METAP1D: variants seen among roughly 807,000 people sequenced by gnomAD.
The protein encoded by METAP1D is methionine aminopeptidase 1D, mitochondrial.
Under a neutral mutation model 40.5 loss-of-function variants are expected in METAP1D, and 31 were observed. The ratio of observed to expected loss-of-function variants is 0.77; its 90% CI spans 0.58 to 1.03. METAP1D has a LOEUF of 1.03. METAP1D is among the 50% of genes least tolerant of loss of function. METAP1D has a pLI of 0.00. For synonymous variants in METAP1D, 151 were observed against 146.4 expected (o/e 1.03, Z -0.22); for missense variants, 411 against 420.7 (o/e 0.98, Z 0.20).
chr2:172,079,979 TA>T (rs1690661140), intron 8 of METAP1D, 148 bp from the exon 9 acceptor site: 1 of 664,614 alleles, frequency 1.5e-6, no homozygotes, highest in East Asian at 2.7e-5. Flanking sequence ...CAACATCAAT[TA>T]TCAACCCTTG....
chr2:172,041,762 A>G (rs1375394574), intron 1 of METAP1D, among the ~76,000 whole-genome samples: 3 of 82,738 alleles, frequency 3.6e-5, no homozygotes, highest in Admixed American at 1.3e-4. Context: ...ATATATATAT[A>G]TATATTTCAT....
Position 172,061,600 on chromosome 2 carries a change from T to C in METAP1D, c.143T>C (p.Ile48Thr). 2 of 1,614,056 alleles carry C rather than the reference T, an allele frequency of 1.2e-6. No homozygotes were observed. The highest frequency in any genetic ancestry group is 1.7e-6 in the Non-Finnish European group (2 of 1,179,970). Reference sequence around the variant, plus strand: ...TTCTTTTTTCGGAGACAAAGAGATATTTCACACAGTATAGTTTTGCCGGCT... The same window carrying C: ...TTCTTTTTTCGGAGACAAAGAGATACTTCACACAGTATAGTTTTGCCGGCT... ...RNFFFRRQRDISHSIVLPAAV... is the reference protein window; with the variant it reads ...RNFFFRRQRDTSHSIVLPAAV... The change falls in exon 2 of 10, where the codon ATT (isoleucine) becomes ACT (threonine). Residue 48 changes from isoleucine (I) to threonine (T), a missense_variant. Transcript: ENST00000315796.
In METAP1D at chr2:172,080,817, A is replaced by AG. The variant is rs1690690182; in HGVS notation, c.*411_*412insG. ...ACAGTTACAGTGATCTTTGTATCTGAACTTTGCACGTCTGCCGAAAAATCC... is the reference window on the plus strand; with the variant it reads ...ACAGTTACAGTGATCTTTGTATCTGAGACTTTGCACGTCTGCCGAAAAATCC... On this transcript the variant is annotated 3_prime_UTR_variant, in exon 10 of 10. Transcript: ENST00000315796. 1 of 221,750 alleles carries AG rather than the reference A, an allele frequency of 4.5e-6. No homozygotes were observed. Among genetic ancestry groups the AG allele is most frequent in the Non-Finnish European group, 9.0e-6 (1 of 110,934 alleles). The allele number at this position is 221,750 out of a possible 1,614,324, so 13.7% of individuals were successfully genotyped here.
intron 1 of METAP1D, among the ~76,000 whole-genome samples, chr2:172,000,939 G>A (rs1268610399): frequency 6.6e-6 from 1 of 152,068 alleles, no homozygotes; most frequent in Non-Finnish European, 1.5e-5. Context: ...AGGTCAAGAG[G>A]CTGCAGTGAG....
chr2:172,034,684 T>A (rs912481913), intron 1 of METAP1D, among the ~76,000 whole-genome samples: 3 of 152,308 alleles, frequency 2.0e-5, no homozygotes, highest in Non-Finnish European at 4.4e-5. Context: ...ACTAAAAAGC[T>A]CTGGAATAAG....
intron 1 of METAP1D, among the ~76,000 whole-genome samples, chr2:172,007,203 T>TTTTTTCTTTTTTTTTTTTTC (rs1688607632): frequency 6.6e-6 from 1 of 150,480 alleles, no homozygotes. Context: ...AGGGCCTTGT[T>TTTTTTCTTTTTTTTTTTTTC]CTGTCACCCA....
intron 6 of METAP1D, among the ~76,000 whole-genome samples, chr2:172,076,499 G>A (rs946087448): frequency 2.6e-5 from 4 of 152,124 alleles, no homozygotes. Flanking sequence ...AAAGTACAAC[G>A]TAAGAGATAA....
chr2:172,019,140 C>T (rs940794028), intron 1 of METAP1D, among the ~76,000 whole-genome samples: 19 of 152,032 alleles, frequency 1.2e-4, no homozygotes, highest in African/African-American at 4.4e-4. Context: ...TCACTTGAGA[C>T]GAGGAGTTCA....
chr2:172,065,710 G>A lies in METAP1D; in HGVS notation c.455G>A (p.Cys152Tyr), dbSNP rs1263530075. The part of the protein sequence containing the change: ...LGYGGFPKSV[C>Y]TSVNNVLCHG... ...TATGGAGGTTTTCCAAAATCTGTTT[G>A]TACCTCTGTAAACAACGTGCTCTGT... The change falls in exon 4 of 10, where the codon TGT (cysteine) becomes TAT (tyrosine). Residue 152 changes from cysteine (C) to tyrosine (Y), a missense_variant. By Grantham distance (194) the Cys-to-Tyr change is radical (BLOSUM62 -2). Coordinates refer to ENST00000315796, the MANE Select transcript of METAP1D (RefSeq NM_199227.3). 2 of 1,613,900 alleles carry A rather than the reference G, an allele frequency of 1.2e-6. No individual in the cohort carries two copies. The highest frequency in any genetic ancestry group is 2.7e-5 in the African/African-American group (2 of 74,988).
chr2:172,019,078 G>A (rs1444001847), intron 1 of METAP1D, among the ~76,000 whole-genome samples: 2 of 152,168 alleles, frequency 1.3e-5, no homozygotes, highest in South Asian at 2.1e-4. Context: ...GAAGCCAGGC[G>A]CAGTGGCTCA....
rs1689582323 is a variant in METAP1D, at chr2:172,042,441, G to A, written c.41-19057G>A. 7.6e-5 allele frequency among the ~76,000 whole-genome samples: 2 copies of A among 26,324 alleles called. 1 individual carries two copies. Among genetic ancestry groups the A allele is most frequent in the African/African-American group, 2.9e-4 (2 of 6,874 alleles). 17.3% of individuals were successfully genotyped at this position (26,324 alleles called of 152,430 possible). A position where few individuals can be genotyped will look rare whatever the true frequency, so the allele number is the denominator to read the frequency against. ...CATGTGTACATATATACATATGTATGTGTACATGCGTACATATATACATAT... is the reference window on the plus strand; with the variant it reads ...CATGTGTACATATATACATATGTATATGTACATGCGTACATATATACATAT... On this transcript the variant is annotated intron_variant, in intron 1 of 9. Coordinates refer to ENST00000315796, the MANE Select transcript of METAP1D (RefSeq NM_199227.3).
At chr2:172,004,963 C>T (rs1330027433) in intron 1 of METAP1D, among the ~76,000 whole-genome samples, 2 of 151,462 alleles carry the variant, frequency 1.3e-5, no homozygotes, top group African/African-American at 2.4e-5. Context: ...GTCTCTGTCA[C>T]GAAGGCTGGA....
intron 1 of METAP1D, among the ~76,000 whole-genome samples, chr2:172,055,307 A>G (rs1168031634): frequency 1.3e-5 from 2 of 152,244 alleles, no homozygotes; most frequent in Non-Finnish European, 2.9e-5. Flanking sequence ...AATTAGATGT[A>G]GTTATAAGGT....
chr2:172,080,677 A>G lies in METAP1D; in HGVS notation c.*271A>G, dbSNP rs1400269014. Reference sequence around the variant, plus strand: ...CAACGCATCTGGAGGGGACTGGAGGAAACCCCCTTGTTGGAAGAGATTCCA... The same window carrying G: ...CAACGCATCTGGAGGGGACTGGAGGGAACCCCCTTGTTGGAAGAGATTCCA... On this transcript the variant is annotated 3_prime_UTR_variant, in exon 10 of 10. Coordinates refer to ENST00000315796, the MANE Select transcript of METAP1D (RefSeq NM_199227.3). The G allele has an allele frequency of 6.9e-6, 4 of 576,784 alleles. No individual in the cohort carries two copies. The highest frequency in any genetic ancestry group is 1.2e-5 in the Non-Finnish European group (4 of 323,784). The allele number at this position is 576,784 out of a possible 1,614,324, so 35.7% of individuals were successfully genotyped here.
chr2:172,078,169 A>G (rs788158), intron 7 of METAP1D, among the ~76,000 whole-genome samples: 45,288 of 151,864 alleles, frequency 0.3, 7,311 homozygotes, highest in South Asian at 0.43. Flanking sequence ...CACAAGGGAT[A>G]TTTGTGTAGA....
In METAP1D at chr2:172,080,312, G is replaced by A; in HGVS notation, c.930-16G>A. The A allele has an allele frequency of 6.2e-7, 1 of 1,614,174 alleles. No individual in the cohort carries two copies. Among genetic ancestry groups the A allele is most frequent in the Non-Finnish European group, 8.5e-7 (1 of 1,180,004 alleles). On this transcript the variant is annotated splice_polypyrimidine_tract_variant and intron_variant, in intron 9 of 9. Transcript: ENST00000315796. ...AGCTTGCGTGCGCGTTCTGACGGCT[G>A]GGTGCTGTGTTACAGGTCGGCGCAG...
intron 1 of METAP1D, among the ~76,000 whole-genome samples, chr2:172,041,020 C>T (rs1689509155): frequency 6.6e-6 from 1 of 151,676 alleles, no homozygotes; most frequent in African/African-American, 2.4e-5. Flanking sequence ...CCCGCCTCGG[C>T]CTCCCAAAGT....
rs374116884 is a variant in METAP1D at position 172,072,580 on chromosome 2, G to A, written c.704+1510G>A. On this transcript the variant is annotated intron_variant, in intron 6 of 9. Coordinates refer to ENST00000315796, the MANE Select transcript of METAP1D (RefSeq NM_199227.3). The stretch of plus-strand genomic sequence containing the variant: ...TTAATTGTGCAACACAGCTGCACAT[G>A]GGCTTTTGAGCATTTCTGTTGTTCT... 33 of 164,704 alleles carry A rather than the reference G, an allele frequency of 2.0e-4. No homozygotes were observed. The East Asian group carries it at 5.6e-3, about 28-fold the overall frequency. 10.2% of individuals were successfully genotyped at this position (164,704 alleles called of 1,614,324 possible).
intron 1 of METAP1D, among the ~76,000 whole-genome samples, chr2:172,032,467 G>A (rs1197985923): frequency 6.6e-6 from 1 of 152,106 alleles, no homozygotes. Context: ...GTTGTTGAAA[G>A]CCCTATATTT....
Sources: gnomAD v4.1 joint callset for allele counts (sites outside exome capture counted in the v4.1 genomes callset) on GRCh38, gnomAD v4.1.1 for gene constraint, MANE v1.5 for transcripts, NCBI Gene and HGNC (gene_info 2026-07-23, HGNC 2026-07-21) for gene names.